Variants in CR1 observed in about 807,000 individuals in gnomAD.
The protein encoded by CR1 is complement receptor type 1.
CR1 carries 116 observed loss-of-function variants against 187.3 expected under a neutral mutation model. That is an observed-to-expected ratio of 0.62 (90% CI 0.53 to 0.72). The LOEUF (loss-of-function observed/expected upper bound fraction) is 0.72, where lower values mean the gene tolerates loss of function less well. Ranked by LOEUF, CR1 falls within the 30% of genes least tolerant of loss-of-function variation. The pLI, the probability that CR1 is intolerant of heterozygous loss-of-function variation, is 0.00. For missense variants in CR1, 1,731 were observed against 2,110.7 expected (o/e 0.82, Z 3.52); for synonymous variants, 576 against 747.1 (o/e 0.77, Z 3.73).
At chr1:207,574,445 C>A (rs78338342) in intron 27 of CR1, among the ~76,000 whole-genome samples, 1 of 152,084 alleles carries the variant, frequency 6.6e-6, no homozygotes, top group South Asian at 2.1e-4. Flanking sequence ...AAGAAAGACA[C>A]AAAAATTGTA....
At position 207,565,860 on chromosome 1, in the gene CR1, G is replaced by T. The variant is rs1174374251; in HGVS notation, c.3889G>T (p.Ala1297Ser). ...TAGATTTCAATTAAAAGGCAGCTCT[G>T]CTAGTTATTGTGTCTTGGCTGGAAT... Reference protein sequence around the residue: ...DEGFQLKGSSASYCVLAGMES... With the variant: ...DEGFQLKGSSSSYCVLAGMES... Residue 1297 changes from alanine to serine, a missense_variant, in exon 24 of 47, where the codon GCT becomes TCT. Transcript: ENST00000367049. 3 of 1,610,704 alleles carry T rather than the reference G, an allele frequency of 1.9e-6. No individual in the cohort carries two copies. Among genetic ancestry groups the T allele is most frequent in the Non-Finnish European group, 1.7e-6 (2 of 1,179,714 alleles).
intron 35 of CR1, among the ~76,000 whole-genome samples, chr1:207,604,649 T>C (rs1482082160): frequency 6.6e-6 from 1 of 152,238 alleles, no homozygotes. Context: ...CATTTTGCTC[T>C]AGGGATCTGT....
At chr1:207,564,853 C>A (rs1660444033) in intron 23 of CR1, among the ~76,000 whole-genome samples, 1 of 149,918 alleles carries the variant, frequency 6.7e-6, no homozygotes, top group South Asian at 2.1e-4. Context: ...TTTAGAGAGT[C>A]CCAGGAAAAA....
chr1:207,605,356 C>T (rs906554192), intron 35 of CR1, among the ~76,000 whole-genome samples: 1 of 151,518 alleles, frequency 6.6e-6, no homozygotes, highest in African/African-American at 2.4e-5. Context: ...CACACACACA[C>T]ACACACACAC....
chr1:207,640,590 A>C lies in CR1; in HGVS notation c.*1181A>C, dbSNP rs1473240718. On this transcript the variant is annotated 3_prime_UTR_variant, in exon 47 of 47. Transcript: ENST00000367049. The stretch of plus-strand genomic sequence containing the variant: ...GAATATACTAAATTAACTTTTTAAA[A>C]CACAACTTTTAAAAAATGTATCAAA... 6.6e-6 allele frequency: 1 copy of C among 152,242 alleles called. No individual in the cohort carries two copies. Among genetic ancestry groups the C allele is most frequent in the African/African-American group, 2.4e-5 (1 of 41,470 alleles). 9.4% of individuals were successfully genotyped at this position (152,242 alleles called of 1,614,324 possible).
At position 207,622,931 on chromosome 1, in the gene CR1, T is replaced by C. The variant is rs1467152587; in HGVS notation, c.7277-62T>C. The C allele has an allele frequency of 3.3e-6, 4 of 1,214,312 alleles. No homozygotes were observed. In the South Asian group the frequency reaches 4.0e-5, roughly 12 times the overall value. 75.2% of individuals were successfully genotyped at this position (1,214,312 alleles called of 1,614,324 possible). On this transcript the variant is annotated intron_variant, in intron 44 of 46. Coordinates refer to ENST00000367049, the MANE Select transcript of CR1 (RefSeq NM_000651.6). Reference sequence around the variant, plus strand: ...TCTGTAGTGGGACTGGATACTAAGATAGAATTTAAAACCTGTAAGTTATAT... The same window carrying C: ...TCTGTAGTGGGACTGGATACTAAGACAGAATTTAAAACCTGTAAGTTATAT...
intron 39 of CR1, among the ~76,000 whole-genome samples, 162 bp downstream of exon 39, chr1:207,612,203 C>T (rs2102387982): frequency 6.6e-6 from 1 of 152,244 alleles, no homozygotes; most frequent in South Asian, 2.1e-4. Context: ...GACTAAGTGG[C>T]ACCACTTTCA....
At chr1:207,590,011 T>G (rs1661225463) in intron 35 of CR1, among the ~76,000 whole-genome samples, 1 of 142,302 alleles carries the variant, frequency 7.0e-6, no homozygotes, top group Non-Finnish European at 1.5e-5. Flanking sequence ...ACGGGGAGAA[T>G]GGAACCAAGT....
chr1:207,614,429 A>G lies in CR1; in HGVS notation c.6601A>G (p.Ser2201Gly), dbSNP rs1291393992. ...EGFRLKGRSA[S>G]HCVLAGMKAL... is the part of the protein sequence containing the mutation. ...GTTCCGATTAAAAGGCAGGTCTGCT[A>G]GTCATTGTGTCTTGGCTGGAATGAA... The change falls in exon 40 of 47, where the codon AGT becomes GGT. Residue 2201 changes from serine (S) to glycine (G), a missense_variant. By Grantham distance (56) the Ser-to-Gly change is moderately conservative (BLOSUM62 0). This residue lies in a region of CR1 where 1,312 missense variants were observed against 1,379.6 expected (regional missense o/e 0.95). Coordinates refer to ENST00000367049, the MANE Select transcript of CR1 (RefSeq NM_000651.6). 5 of 1,611,178 alleles carry G rather than the reference A, an allele frequency of 3.1e-6. No homozygotes were observed. Among genetic ancestry groups the G allele is most frequent in the Non-Finnish European group, 4.2e-6 (5 of 1,178,130 alleles).
At chr1:207,613,248 CA>C (rs1486042566) in intron 39 of CR1, among the ~76,000 whole-genome samples, 1 of 152,162 alleles carries the variant, frequency 6.6e-6, no homozygotes, top group Non-Finnish European at 1.5e-5. Flanking sequence ...CAGATGAAGT[CA>C]GGGGGTCATT....
intron 32 of CR1, among the ~76,000 whole-genome samples, chr1:207,582,723 A>G (rs1425709919): frequency 6.6e-6 from 1 of 152,202 alleles, no homozygotes; most frequent in African/African-American, 2.4e-5. Context: ...AGAAGTGATC[A>G]AATTCTGGAT....
intron 46 of CR1, among the ~76,000 whole-genome samples, chr1:207,636,656 C>G (rs1475229382): frequency 6.6e-6 from 1 of 152,224 alleles, no homozygotes; most frequent in Non-Finnish European, 1.5e-5. Flanking sequence ...GAGTGCAATG[C>G]AACTCCTGCC....
At chr1:207,503,474 G>A (rs775924548) in intron 1 of CR1, among the ~76,000 whole-genome samples, 3 of 152,132 alleles carry the variant, frequency 2.0e-5, no homozygotes, top group Non-Finnish European at 4.4e-5. Context: ...GGCTCCAGGG[G>A]AGCAGGGGTT....
intron 45 of CR1, among the ~76,000 whole-genome samples, chr1:207,626,973 G>T (rs1662497460): frequency 6.6e-6 from 1 of 152,178 alleles, no homozygotes; most frequent in South Asian, 2.1e-4. Flanking sequence ...AGGAGGTGGA[G>T]GTTGCAGTGA....
Position 207,607,241 on chromosome 1 carries a change from T to C in CR1, c.5811-10T>C. On this transcript the variant is annotated splice_polypyrimidine_tract_variant and intron_variant, in intron 35 of 46. Transcript: ENST00000367049. ...TGTAGCGTATAACCATTTTCTATCC[T>C]TTGCTTTAGGTTTCGACTCATTGGT... 1 of 1,607,240 alleles carries C rather than the reference T, an allele frequency of 6.2e-7. No homozygotes were observed. The highest frequency in any genetic ancestry group is 8.5e-7 in the Non-Finnish European group (1 of 1,173,836).
Position 207,575,593 on chromosome 1 carries a change from A to G in CR1, c.4452-2A>G. On this transcript the variant is annotated splice_acceptor_variant, in intron 27 of 46. Transcript: ENST00000367049. LOFTEE classifies it high-confidence loss of function. Reference sequence around the variant, plus strand: ...CAATGATTTTCCATTTTTTGCCTTTAGGCACCGACTCATTGGTCACTCATC... The same window carrying G: ...CAATGATTTTCCATTTTTTGCCTTTGGGCACCGACTCATTGGTCACTCATC... The G allele has an allele frequency of 6.2e-7, 1 of 1,611,764 alleles. No individual in the cohort carries two copies. Among genetic ancestry groups the G allele is most frequent in the East Asian group, 2.2e-5 (1 of 44,882 alleles).
chr1:207,564,308 G>C (rs918395963), intron 23 of CR1, 74 bp downstream of exon 23: 42 of 1,589,746 alleles, frequency 2.6e-5, no homozygotes, highest in Non-Finnish European at 3.3e-5. Flanking sequence ...GGGAGATTTG[G>C]TGTGGCTTAA....
In CR1 at chr1:207,580,317, G is replaced by A; in HGVS notation, c.5014G>A (p.Val1672Met). ...HQDNFSPGQE[V>M]FYSCEPGYDL... The stretch of plus-strand genomic sequence containing the variant: ...GGACAACTTTTCACCTGGGCAGGAA[G>A]TGTTCTACAGCTGTGAGCCTGGCTA... Residue 1672 changes from valine (V) to methionine (M), a missense_variant, in exon 30 of 47, where the codon GTG becomes ATG. Physicochemically the swap from Val to Met is conservative, Grantham distance 21 (BLOSUM62 1). This residue lies in a region of CR1 where 1,312 missense variants were observed against 1,379.6 expected (regional missense o/e 0.95). Coordinates refer to ENST00000367049, the MANE Select transcript of CR1 (RefSeq NM_000651.6). 1 of 1,613,870 alleles carries A rather than the reference G, an allele frequency of 6.2e-7. No homozygotes were observed. Among genetic ancestry groups the A allele is most frequent in the African/African-American group, 1.3e-5 (1 of 75,002 alleles).
rs555348109 is a variant in CR1, at chr1:207,633,344, T to G, written c.7457+2723T>G. 3.1e-4 allele frequency among the ~76,000 whole-genome samples: 47 copies of G among 152,344 alleles called. No homozygotes were observed. In the South Asian group the frequency reaches 9.7e-3, roughly 32 times the overall value. ...TAAAAAATATAAAAATTACCTGCAA[T>G]AATCTCTATCTAGTAGTATTCTTAA... is the stretch of plus-strand genomic sequence containing the variant. On this transcript the variant is annotated intron_variant, in intron 46 of 46. Transcript: ENST00000367049.
Sources: gnomAD v4.1 joint callset for allele counts (sites outside exome capture counted in the v4.1 genomes callset) on GRCh38, gnomAD v4.1.1 for gene constraint, gnomAD v4.1.1 regional missense constraint, MANE v1.5 for transcripts, NCBI Gene and HGNC (gene_info 2026-07-23, HGNC 2026-07-21) for gene names.